The following FOLR1 variants were observed in gnomAD, a reference collection of about 807,000 sequenced individuals.
FOLR1 encodes the protein KB cells FBP.
FOLR1 carries 11 observed loss-of-function variants against 22.8 expected under a neutral mutation model. The observed-to-expected ratio is 0.48, with a 90% CI of 0.30 to 0.80. The LOEUF is 0.80. Among genes scored for constraint, FOLR1 ranks in the 30% least tolerant of loss-of-function variants. The pLI, the probability that FOLR1 is intolerant of heterozygous loss-of-function variation, is 0.06. For missense variants in FOLR1, 273 were observed against 320.3 expected, an observed-to-expected ratio of 0.85 and a Z score of 1.13; for synonymous variants, 108 against 116.5, an observed-to-expected ratio of 0.93 and a Z score of 0.47.
chr11:72,193,258 G>A (rs1948179854), intron 1 of FOLR1, among the ~76,000 whole-genome samples: 1 of 151,962 alleles, frequency 6.6e-6, no homozygotes, highest in Non-Finnish European at 1.5e-5. Flanking sequence ...GGTCAGTTGA[G>A]CCCAGGAGGC....
upstream of FOLR1, among the ~76,000 whole-genome samples, chr11:72,191,698 T>C (rs1948159427): frequency 6.6e-6 from 1 of 152,178 alleles, no homozygotes; most frequent in Non-Finnish European, 1.5e-5. Context: ...TAATTTGGTG[T>C]CAAAATCTGA....
Position 72,196,065 on chromosome 11 carries a change from C to A in FOLR1, c.662C>A (p.Pro221His), listed in dbSNP as rs781647545. The change falls in exon 4 of 4, where the codon CCC becomes CAC. Residue 221 changes from proline (P) to histidine (H), a missense_variant. Coordinates refer to ENST00000393676, the MANE Select transcript of FOLR1 (RefSeq NM_016729.3). ...QMWFDPAQGN[P>H]NEEVARFYAA... Reference sequence around the variant, plus strand: ...TGGTTCGACCCAGCCCAGGGCAACCCCAATGAGGAGGTGGCGAGGTTCTAT... The same window carrying A: ...TGGTTCGACCCAGCCCAGGGCAACCACAATGAGGAGGTGGCGAGGTTCTAT... 1 of 1,614,230 alleles carries A rather than the reference C, an allele frequency of 6.2e-7. No individual in the cohort carries two copies. Among genetic ancestry groups the A allele is most frequent in the Non-Finnish European group, 8.5e-7 (1 of 1,180,042 alleles).
At chr11:72,191,651 C>T (rs376882032), upstream of FOLR1, among the ~76,000 whole-genome samples, 8 of 152,240 alleles carry the variant, frequency 5.3e-5, no homozygotes, top group East Asian at 5.8e-4. Flanking sequence ...CATGAGCCAC[C>T]GCGCCCAGCC....
chr11:72,195,488 C>T (rs1948217050), intron 2 of FOLR1, 29 bp downstream of exon 2: 2 of 1,613,710 alleles, frequency 1.2e-6, no homozygotes, highest in African/African-American at 1.3e-5. Context: ...AGGTACAAGA[C>T]CTAGCGGAGC....
At position 72,194,990 on chromosome 11, in the gene FOLR1, A is replaced by C. The variant is rs896045122; in HGVS notation, c.169-281A>C. ...GTGATGTGTTCATTGTTGTAACCCC[A>C]GTTTCTACAAAAGTACCTGGGTGAG... On this transcript the variant is annotated intron_variant, in intron 1 of 3. Coordinates refer to ENST00000393676, the MANE Select transcript of FOLR1 (RefSeq NM_016729.3). Among the ~76,000 whole-genome samples, 4 of 152,358 alleles carry C rather than the reference A, an allele frequency of 2.6e-5. No homozygotes were observed. In the East Asian group the frequency reaches 7.7e-4, roughly 29 times the overall value.
intron 1 of FOLR1, among the ~76,000 whole-genome samples, chr11:72,193,676 G>A (rs995782300): frequency 1.3e-5 from 2 of 152,122 alleles, no homozygotes; most frequent in Admixed American, 6.6e-5. Flanking sequence ...TGGCCAGGCT[G>A]GTCTCGAACT....
upstream of FOLR1, among the ~76,000 whole-genome samples, chr11:72,191,563 T>C (rs906756959): frequency 1.3e-5 from 2 of 152,068 alleles, no homozygotes; most frequent in Non-Finnish European, 2.9e-5. Context: ...GGTTTCACTA[T>C]GTTGGCCAGG....
chr11:72,195,462 A>T lies in FOLR1; in HGVS notation c.357+3A>T, dbSNP rs1385438675. ...ACTTGGGGCCCTGGATCCAGCAGGT[A>T]TGCATGGCTTCCTGCAGGTACAAGA... On this transcript the variant is annotated splice_donor_region_variant and intron_variant, in intron 2 of 3. Coordinates refer to ENST00000393676, the MANE Select transcript of FOLR1 (RefSeq NM_016729.3). 6.2e-7 allele frequency: 1 copy of T among 1,614,234 alleles called. No individual in the cohort carries two copies. The highest frequency in any genetic ancestry group is 2.2e-5 in the East Asian group (1 of 44,890).
chr11:72,195,986 C>A lies in FOLR1; in HGVS notation c.583C>A (p.His195Asn), dbSNP rs753977934. ...TGTTCTGTGCAATGAAATCTGGACT[C>A]ACTCCTACAAGGTCAGCAACTACAG... ...PTVLCNEIWTHSYKVSNYSRG... is the reference protein window; with the variant it reads ...PTVLCNEIWTNSYKVSNYSRG... Residue 195 changes from histidine to asparagine, a missense_variant, in exon 4 of 4, where the codon CAC (histidine) becomes AAC (asparagine). His to Asn is a moderately conservative substitution (Grantham distance 68, BLOSUM62 1). Coordinates refer to ENST00000393676, the MANE Select transcript of FOLR1 (RefSeq NM_016729.3). 10 of 1,614,124 alleles carry A rather than the reference C, an allele frequency of 6.2e-6. No homozygotes were observed. The South Asian group carries it at 1.1e-4, about 18-fold the overall frequency.
chr11:72,192,232 G>A lies in FOLR1; in HGVS notation c.59G>A (p.Gly20Glu), dbSNP rs566120497. The part of the protein sequence containing the change: ...LLLLVWVAVV[G>E]EAQTRIAWAR... ...CTTCTAGTGTGGGTGGCTGTAGTAGGGGAGGCTCAGACAAGGATTGCATGG... is the reference window on the plus strand; with the variant it reads ...CTTCTAGTGTGGGTGGCTGTAGTAGAGGAGGCTCAGACAAGGATTGCATGG... Residue 20 changes from glycine (G) to glutamate (E), a missense_variant, in exon 1 of 4, where the codon GGG becomes GAG. Gly to Glu is a moderately conservative substitution (Grantham distance 98, BLOSUM62 -2). Transcript: ENST00000393676. 3.7e-6 allele frequency: 6 copies of A among 1,614,194 alleles called. No individual in the cohort carries two copies. The South Asian group carries it at 5.5e-5, about 15-fold the overall frequency.
At chr11:72,190,359 G>GC (rs1182139138), upstream of FOLR1, 3 of 152,276 alleles carry the variant, frequency 2.0e-5, no homozygotes, top group Non-Finnish European at 4.4e-5. Flanking sequence ...TTGGGGCATG[G>GC]CCCTCATCTG....
At position 72,196,278 on chromosome 11, in the gene FOLR1, T is replaced by G; in HGVS notation, c.*101T>G. ...CCATGGTCGGGCCTCTGACAGCCAC[T>G]TTGAATAAACCAGACACCGCACATG... On this transcript the variant is annotated 3_prime_UTR_variant, in exon 4 of 4. Transcript: ENST00000393676. The G allele has an allele frequency of 8.1e-7, 1 of 1,237,102 alleles. No homozygotes were observed. 76.6% of individuals were successfully genotyped at this position (1,237,102 alleles called of 1,614,324 possible).
chr11:72,195,584 G>C (rs1047972742), intron 2 of FOLR1, 28 bp from the exon 3 acceptor site: 2 of 1,614,064 alleles, frequency 1.2e-6, no homozygotes, highest in African/African-American at 2.7e-5. Context: ...TTGAACCTGA[G>C]CCCTTCTTTT....
rs1555069113 is a variant in FOLR1, at chr11:72,195,424, G to A, written c.322G>A (p.Glu108Lys). The change falls in exon 2 of 4, where the codon GAG (glutamate) becomes AAG (lysine). Residue 108 changes from glutamate to lysine, a missense_variant. Glu to Lys is a moderately conservative substitution (Grantham distance 56). Transcript: ENST00000393676. Reference sequence around the variant, plus strand: ...TTTCATCCAGGACACCTGCCTCTACGAGTGCTCCCCCAACTTGGGGCCCTG... The same window carrying A: ...TTTCATCCAGGACACCTGCCTCTACAAGTGCTCCCCCAACTTGGGGCCCTG... Reference protein sequence around the residue: ...RHFIQDTCLYECSPNLGPWIQ... With the variant: ...RHFIQDTCLYKCSPNLGPWIQ... 2 of 1,614,202 alleles carry A rather than the reference G, an allele frequency of 1.2e-6. No individual in the cohort carries two copies. Among genetic ancestry groups the A allele is most frequent in the Non-Finnish European group, 1.7e-6 (2 of 1,180,048 alleles).
Position 72,192,262 on chromosome 11 carries a change from G to A in FOLR1, c.89G>A (p.Arg30Lys). ...GEAQTRIAWARTELLNVCMNA... is the reference protein window; with the variant it reads ...GEAQTRIAWAKTELLNVCMNA... ...GCTCAGACAAGGATTGCATGGGCCA[G>A]GACTGAGCTTCTCAATGTCTGCATG... The change falls in exon 1 of 4, where the codon AGG becomes AAG. Residue 30 changes from arginine (R) to lysine (K), a missense_variant. Transcript: ENST00000393676. 6.2e-7 allele frequency: 1 copy of A among 1,614,224 alleles called. No homozygotes were observed. The highest frequency in any genetic ancestry group is 8.5e-7 in the Non-Finnish European group (1 of 1,180,030).
At chr11:72,194,930 G>A (rs1033938936) in intron 1 of FOLR1, among the ~76,000 whole-genome samples, 6 of 152,218 alleles carry the variant, frequency 3.9e-5, no homozygotes, top group East Asian at 1.9e-4. Flanking sequence ...GTCCCCATCC[G>A]TCTCTGCTTA....
chr11:72,192,545 A>G (rs957924425), intron 1 of FOLR1, among the ~76,000 whole-genome samples: 2 of 152,196 alleles, frequency 1.3e-5, no homozygotes, highest in African/African-American at 2.4e-5. Context: ...GAGTTTCCGC[A>G]TTACAGAAAT....
chr11:72,191,848 T>A (rs1948160590), upstream of FOLR1, among the ~76,000 whole-genome samples: 7 of 152,306 alleles, frequency 4.6e-5, no homozygotes, highest in South Asian at 1.5e-3. Context: ...TCCTAAAAAA[T>A]TTTAACCCTG....
chr11:72,195,624 T>C lies in FOLR1; in HGVS notation c.370T>C (p.Trp124Arg), dbSNP rs1264956352. 1 of 1,614,186 alleles carries C rather than the reference T, an allele frequency of 6.2e-7. No homozygotes were observed. Among genetic ancestry groups the C allele is most frequent in the Non-Finnish European group, 8.5e-7 (1 of 1,180,038 alleles). ...CAAAATCACCCAGGTGGATCAGAGCTGGCGCAAAGAGCGGGTACTGAACGT... is the reference window on the plus strand; with the variant it reads ...CAAAATCACCCAGGTGGATCAGAGCCGGCGCAAAGAGCGGGTACTGAACGT... The part of the protein sequence containing the change: ...GPWIQQVDQS[W>R]RKERVLNVPL... The change falls in exon 3 of 4, where the codon TGG becomes CGG. Residue 124 changes from tryptophan to arginine, a missense_variant. Coordinates refer to ENST00000393676, the MANE Select transcript of FOLR1 (RefSeq NM_016729.3).
Sources: gnomAD v4.1 joint callset for allele counts (sites outside exome capture counted in the v4.1 genomes callset) on GRCh38, gnomAD v4.1.1 for gene constraint, MANE v1.5 for transcripts, NCBI Gene and HGNC (gene_info 2026-07-23, HGNC 2026-07-21) for gene names.